Variants in GFOD1 observed in about 807,000 individuals in gnomAD.
GFOD1 encodes Gfo/Idh/MocA-like oxidoreductase domain containing 1.
In GFOD1, 9 loss-of-function variants were observed where a neutral mutation model predicts 25.4. That is an observed-to-expected ratio of 0.35 (90% CI 0.21 to 0.62). The LOEUF (loss-of-function observed/expected upper bound fraction) is 0.62. Among genes scored for constraint, GFOD1 ranks in the 20% least tolerant of loss-of-function variants. GFOD1 has a pLI of 0.72. For missense variants in GFOD1, 403 were observed against 556.9 expected, an observed-to-expected ratio of 0.72 and a Z score of 2.78; for synonymous variants, 253 against 245.6, an observed-to-expected ratio of 1.03 and a Z score of -0.28.
chr6:13,481,849 A>G (rs1758759166), intron 1 of GFOD1, among the ~76,000 whole-genome samples: 1 of 152,352 alleles, frequency 6.6e-6, no homozygotes, highest in African/African-American at 2.4e-5. Context: ...CTGACCAGCA[A>G]TTTACATATC....
chr6:13,469,674 T>C, intron 1 of GFOD1: 2 of 1,173,874 alleles, frequency 1.7e-6, no homozygotes, highest in South Asian at 3.4e-5. Flanking sequence ...CCTACAGTTA[T>C]CTTACTACCA....
chr6:13,394,831 C>A lies in GFOD1; in HGVS notation c.254-29169G>T, dbSNP rs11756801. Reference sequence around the variant, plus strand: ...TATTTTTAGTAGAGATGGCGTTTCACCATATTGGCCAGGCTGGTCTTGAAC... The same window carrying A: ...TATTTTTAGTAGAGATGGCGTTTCAACATATTGGCCAGGCTGGTCTTGAAC... On this transcript the variant is annotated intron_variant, in intron 1 of 1. Coordinates refer to ENST00000379287, the MANE Select transcript of GFOD1 (RefSeq NM_018988.4). Among the ~76,000 whole-genome samples, 8 of 151,988 alleles carry A rather than the reference C, an allele frequency of 5.3e-5. No individual in the cohort carries two copies. In the East Asian group the frequency reaches 1.5e-3, roughly 29 times the overall value.
chr6:13,487,096 C>T lies in GFOD1; in HGVS notation c.-206G>A, dbSNP rs1305975131. 4 of 555,714 alleles carry T rather than the reference C, an allele frequency of 7.2e-6. No individual in the cohort carries two copies. In the East Asian group the frequency reaches 1.3e-4, roughly 18 times the overall value. 34.4% of individuals were successfully genotyped at this position (555,714 alleles called of 1,614,324 possible). A position where few individuals can be genotyped will look rare whatever the true frequency, so the allele number is the denominator to read the frequency against. On this transcript the variant is annotated 5_prime_UTR_variant, in exon 1 of 2. Coordinates refer to ENST00000379287, the MANE Select transcript of GFOD1 (RefSeq NM_018988.4). The surrounding 1 kb of genome is among the most constrained non-coding windows in gnomAD (Gnocchi z 4.9). ...AGCTCGGGGCGCCTCAGAACGGTGACTGCGGCAGTGTCCGCCACGCGGGGC... is the reference window on the plus strand; with the variant it reads ...AGCTCGGGGCGCCTCAGAACGGTGATTGCGGCAGTGTCCGCCACGCGGGGC...
chr6:13,401,409 A>AAGGGAAGGG (rs10664021), intron 1 of GFOD1, among the ~76,000 whole-genome samples: 3 of 121,414 alleles, frequency 2.5e-5, no homozygotes, highest in East Asian at 2.3e-4. Context: ...AAGGGAAGGG[A>AAGGGAAGGG]AAGGGAAAAA....
intron 1 of GFOD1, among the ~76,000 whole-genome samples, chr6:13,451,619 G>A (rs1177093046): frequency 6.6e-6 from 1 of 152,176 alleles, no homozygotes; most frequent in Non-Finnish European, 1.5e-5. Context: ...GGAGAGGGGC[G>A]GCCAAAGGCC....
intron 1 of GFOD1, chr6:13,469,960 T>C (rs780320918): frequency 7.8e-5 from 102 of 1,306,712 alleles, no homozygotes; most frequent in Non-Finnish European, 1.0e-4. Flanking sequence ...AGGTTCTGGA[T>C]AGATGATGAG....
At chr6:13,468,802 T>A (rs1758423525) in intron 1 of GFOD1, among the ~76,000 whole-genome samples, 1 of 152,050 alleles carries the variant, frequency 6.6e-6, no homozygotes, top group African/African-American at 2.4e-5. Flanking sequence ...AAGGCCCCCC[T>A]GACCAATCCC....
intron 1 of GFOD1, among the ~76,000 whole-genome samples, chr6:13,422,482 C>T (rs1035864926): frequency 6.6e-6 from 1 of 152,168 alleles, no homozygotes; most frequent in East Asian, 1.9e-4. Context: ...TCCAACAAAT[C>T]CTTCATCCTC....
At chr6:13,368,145 C>T (rs1785082603) in intron 1 of GFOD1, among the ~76,000 whole-genome samples, 1 of 152,246 alleles carries the variant, frequency 6.6e-6, no homozygotes, top group South Asian at 2.1e-4. Flanking sequence ...TAGCCAAATC[C>T]TAGAACTGGT....
At chr6:13,453,083 T>C (rs1305239426) in intron 1 of GFOD1, among the ~76,000 whole-genome samples, 1 of 152,250 alleles carries the variant, frequency 6.6e-6, no homozygotes, top group Non-Finnish European at 1.5e-5. Context: ...TCAGGTTTTA[T>C]AAGCAATTGA....
intron 1 of GFOD1, among the ~76,000 whole-genome samples, chr6:13,384,317 T>A (rs2042885268): frequency 6.6e-6 from 1 of 152,220 alleles, no homozygotes; most frequent in South Asian, 2.1e-4. Flanking sequence ...ACCTGCTAAG[T>A]TATTAGGATT....
At chr6:13,392,606 C>T (rs921391562) in intron 1 of GFOD1, among the ~76,000 whole-genome samples, 7 of 152,078 alleles carry the variant, frequency 4.6e-5, no homozygotes, top group Admixed American at 2.0e-4. Context: ...TTGCTGTACC[C>T]TGATGGAGAG....
chr6:13,469,351 A>G, intron 1 of GFOD1: 1 of 985,074 alleles, frequency 1.0e-6, no homozygotes, highest in Non-Finnish European at 1.2e-6. Flanking sequence ...AGTGAAGATC[A>G]TGAAATAACA....
At chr6:13,477,969 C>T (rs1758663335) in intron 1 of GFOD1, among the ~76,000 whole-genome samples, 1 of 151,188 alleles carries the variant, frequency 6.6e-6, no homozygotes, top group African/African-American at 2.4e-5. Context: ...GAGACTGAGG[C>T]ACAACAATTG....
intron 1 of GFOD1, among the ~76,000 whole-genome samples, chr6:13,391,797 T>G (rs529951592): frequency 4.6e-5 from 7 of 152,172 alleles, no homozygotes; most frequent in Non-Finnish European, 8.8e-5. Flanking sequence ...ATCGACTTCA[T>G]TGGAGTGGTG....
intron 1 of GFOD1, among the ~76,000 whole-genome samples, chr6:13,458,984 G>A (rs920905481): frequency 3.9e-5 from 6 of 152,122 alleles, no homozygotes; most frequent in African/African-American, 1.2e-4. Context: ...TCTTGCTGTG[G>A]TTTGAATGTT....
At chr6:13,395,803 T>C (rs931959142) in intron 1 of GFOD1, among the ~76,000 whole-genome samples, 3 of 152,168 alleles carry the variant, frequency 2.0e-5, no homozygotes, top group African/African-American at 7.2e-5. Context: ...CGTGCACCAG[T>C]TAGTTCCCAG....
intron 1 of GFOD1, among the ~76,000 whole-genome samples, chr6:13,466,816 G>C (rs993911670): frequency 6.6e-6 from 1 of 152,148 alleles, no homozygotes; most frequent in Non-Finnish European, 1.5e-5. Flanking sequence ...TAGCTTGACA[G>C]TTGGTATTAG....
chr6:13,432,869 C>A (rs550739907), intron 1 of GFOD1, among the ~76,000 whole-genome samples: 2 of 152,184 alleles, frequency 1.3e-5, no homozygotes, highest in Non-Finnish European at 2.9e-5. Flanking sequence ...AACCTTCATC[C>A]ATGCAGTGAC....
Sources: allele counts gnomAD v4.1 joint callset (sites outside exome capture counted in the v4.1 genomes callset), GRCh38; gene constraint gnomAD v4.1.1; non-coding constraint Gnocchi (gnomAD v3.1); transcripts MANE v1.5; gene names NCBI Gene and HGNC (gene_info 2026-07-23, HGNC 2026-07-21).